Variants in CCNI observed in about 807,000 individuals in gnomAD.
The protein encoded by CCNI is cyclin I.
Under a neutral mutation model 34.1 loss-of-function variants are expected in CCNI, and 14 were observed. The ratio of observed to expected loss-of-function variants is 0.41; its 90% CI spans 0.27 to 0.64. The LOEUF is 0.64. CCNI is among the 30% of genes least tolerant of loss of function. CCNI has a pLI of 0.31. For missense variants in CCNI, 385 were observed against 440.5 expected (o/e 0.87, Z 1.13); for synonymous variants, 154 against 158.4 (o/e 0.97, Z 0.21).
chr4:77,064,207 C>CA (rs1728845017), intron 2 of CCNI, among the ~76,000 whole-genome samples: 1 of 151,120 alleles, frequency 6.6e-6, no homozygotes, highest in Non-Finnish European at 1.5e-5. Context: ...CATGCCATTG[C>CA]ACTCCAGCCT....
intron 1 of CCNI, 91 bp from the exon 2 acceptor site, chr4:77,066,496 A>G: frequency 1.1e-6 from 1 of 896,618 alleles, no homozygotes; most frequent in South Asian, 1.6e-5. Context: ...ACAAAATAAG[A>G]ATGCTATGAG....
Position 77,067,790 on chromosome 4 carries a change from T to TAA in CCNI, c.-43-1387_-43-1386dup, listed in dbSNP as rs375815113. On this transcript the variant is annotated intron_variant, in intron 1 of 6. Coordinates refer to ENST00000237654, the MANE Select transcript of CCNI (RefSeq NM_006835.3). ...GAGCCACCGTGCAGGCTTCTAGGTT[T>TAA]AAAAAAAAAAAAAAAAAAAAAAAAA... Among the ~76,000 whole-genome samples, 310 of 98,678 alleles carry TAA rather than the reference T, an allele frequency of 3.1e-3. 6 individuals are homozygous for TAA. The highest frequency in any genetic ancestry group is 6.6e-3 in the Middle Eastern group (1 of 152). 64.7% of individuals were successfully genotyped at this position (98,678 alleles called of 152,430 possible). A position where few individuals can be genotyped will look rare whatever the true frequency, so the allele number is the denominator to read the frequency against.
At chr4:77,056,576 C>A in intron 3 of CCNI, 4 of 332,444 alleles carry the variant, frequency 1.2e-5, no homozygotes, top group Non-Finnish European at 1.7e-5. Context: ...TCAAGTGTGT[C>A]TAGAGCTAAC....
chr4:77,051,135 C>T (rs550853283), intron 6 of CCNI, among the ~76,000 whole-genome samples: 114 of 151,796 alleles, frequency 7.5e-4, no homozygotes, highest in Non-Finnish European at 1.3e-3. Flanking sequence ...CTCAGCATGC[C>T]ACAAATTCCA....
chr4:77,073,526 A>C (rs1423197560), intron 1 of CCNI, among the ~76,000 whole-genome samples: 1 of 152,228 alleles, frequency 6.6e-6, no homozygotes, highest in Non-Finnish European at 1.5e-5. Flanking sequence ...GTGGCCATAC[A>C]AGAAACTGAA....
intron 1 of CCNI, among the ~76,000 whole-genome samples, chr4:77,067,959 C>T (rs1426334110): frequency 6.6e-6 from 1 of 151,882 alleles, no homozygotes; most frequent in Non-Finnish European, 1.5e-5. Context: ...GGGCAGATCA[C>T]GAGGTCAGTA....
chr4:77,058,461 A>G (rs751172108), intron 3 of CCNI, 46 bp downstream of exon 3: 1 of 1,513,968 alleles, frequency 6.6e-7, no homozygotes, highest in Non-Finnish European at 9.0e-7. Flanking sequence ...TTTAGCATAC[A>G]TACACTCAAA....
chr4:77,050,187 G>A (rs1198805405), intron 6 of CCNI, among the ~76,000 whole-genome samples: 1 of 151,576 alleles, frequency 6.6e-6, no homozygotes, highest in Admixed American at 6.6e-5. Context: ...AAATTGTATT[G>A]CGCATTCCTT....
Position 77,048,619 on chromosome 4 carries a change from T to C in CCNI, c.734A>G (p.His245Arg). 1 of 1,576,798 alleles carries C rather than the reference T, an allele frequency of 6.3e-7. No individual in the cohort carries two copies. Among genetic ancestry groups the C allele is most frequent in the Non-Finnish European group, 8.6e-7 (1 of 1,158,982 alleles). Residue 245 changes from histidine to arginine, a missense_variant, in exon 7 of 7, where the codon CAT becomes CGT. This residue lies in a region of CCNI where 250 missense variants were observed against 248.7 expected (regional missense o/e 1.01). Coordinates refer to ENST00000237654, the MANE Select transcript of CCNI (RefSeq NM_006835.3). ...QLIHCRELVA[H>R]HLSTLQSSLP... ...GGAAGACTGCAGAGTAGAAAGGTGA[T>C]GTGCCACAAGCTCCCGACAATGGAT...
chr4:77,067,815 AAAAAG>A (rs1328910234), intron 1 of CCNI, among the ~76,000 whole-genome samples: 27 of 134,660 alleles, frequency 2.0e-4, no homozygotes, highest in Admixed American at 1.1e-3. Context: ...AAAAAAAAAA[AAAAAG>A]AAGCAAACTA....
chr4:77,071,896 A>T (rs1729492179), intron 1 of CCNI, among the ~76,000 whole-genome samples: 1 of 152,200 alleles, frequency 6.6e-6, no homozygotes, highest in East Asian at 1.9e-4. Flanking sequence ...TAAACAGTTA[A>T]TTTTTTTAAA....
intron 1 of CCNI, 38 bp downstream of exon 1, chr4:77,075,434 A>C: frequency 8.4e-6 from 7 of 837,668 alleles, no homozygotes; most frequent in Non-Finnish European, 1.0e-5. Flanking sequence ...CCGGCCGCGG[A>C]GACGCGTCGA....
Position 77,075,568 on chromosome 4 carries a change from C to T in CCNI, c.-140G>A. 1 of 988,414 alleles carries T rather than the reference C, an allele frequency of 1.0e-6. No individual in the cohort carries two copies. Among genetic ancestry groups the T allele is most frequent in the Non-Finnish European group, 1.2e-6 (1 of 830,634 alleles). 61.2% of individuals were successfully genotyped at this position (988,414 alleles called of 1,614,324 possible). The stretch of plus-strand genomic sequence containing the variant: ...TCCGGGGGCCCGTTACCACCTCATT[C>T]TCATAGGCGCGCGGAGGCGGTGCGC... On this transcript the variant is annotated 5_prime_UTR_variant, in exon 1 of 7. Coordinates refer to ENST00000237654, the MANE Select transcript of CCNI (RefSeq NM_006835.3).
At chr4:77,054,895 A>G (rs1365148076) in intron 6 of CCNI, among the ~76,000 whole-genome samples, 2 of 152,238 alleles carry the variant, frequency 1.3e-5, no homozygotes, top group Non-Finnish European at 2.9e-5. Flanking sequence ...TATGGTATTG[A>G]CAATCTTATG....
Position 77,075,686 on chromosome 4 carries a change from G to A in CCNI, c.-258C>T, listed in dbSNP as rs1400345745. The A allele has an allele frequency of 2.1e-6, 1 of 474,870 alleles. No individual in the cohort carries two copies. The highest frequency in any genetic ancestry group is 2.1e-5 in the African/African-American group (1 of 47,482). 29.4% of individuals were successfully genotyped at this position (474,870 alleles called of 1,614,324 possible). A position where few individuals can be genotyped will look rare whatever the true frequency, so the allele number is the denominator to read the frequency against. On this transcript the variant is annotated 5_prime_UTR_variant, in exon 1 of 7. Transcript: ENST00000237654. ...TGGCGCTCGAGCGGGACGCACGGCT[G>A]CGGCCGCTGGGTCGGTCAGCGAATT...
chr4:77,060,238 G>C (rs1194795651), intron 2 of CCNI, among the ~76,000 whole-genome samples: 1 of 152,104 alleles, frequency 6.6e-6, no homozygotes, highest in African/African-American at 2.4e-5. Flanking sequence ...CAGTTATATG[G>C]AGATTATCAT....
intron 6 of CCNI, among the ~76,000 whole-genome samples, 164 bp downstream of exon 6, chr4:77,054,986 G>T (rs1464646470): frequency 6.6e-6 from 1 of 152,106 alleles, no homozygotes; most frequent in East Asian, 1.9e-4. Context: ...ATGAAAAAAA[G>T]AGATCACCTA....
intron 1 of CCNI, among the ~76,000 whole-genome samples, chr4:77,068,873 CT>C (rs1729244954): frequency 6.6e-6 from 1 of 152,150 alleles, no homozygotes; most frequent in Admixed American, 6.5e-5. Context: ...TGCTTCTCAA[CT>C]TACTAGAGAC....
At chr4:77,074,708 T>A (rs1175445945) in intron 1 of CCNI, 1 of 152,254 alleles carries the variant, frequency 6.6e-6, no homozygotes, top group Non-Finnish European at 1.5e-5. Context: ...GCTCTGCTGC[T>A]CTAAGTCGAG....
Sources: allele counts gnomAD v4.1 joint callset (sites outside exome capture counted in the v4.1 genomes callset), GRCh38; gene constraint gnomAD v4.1.1; regional missense constraint gnomAD v4.1.1; transcripts MANE v1.5; gene names NCBI Gene and HGNC (gene_info 2026-07-23, HGNC 2026-07-21).